AHRR: variants seen among roughly 807,000 people sequenced by gnomAD.
The protein encoded by AHRR is ahR repressor.
Under a neutral mutation model 44.0 loss-of-function variants are expected in AHRR, and 28 were observed. That is an observed-to-expected ratio of 0.64 (90% CI 0.47 to 0.87). The LOEUF (loss-of-function observed/expected upper bound fraction) is 0.87, where lower values mean the gene tolerates loss of function less well. Among genes scored for constraint, AHRR ranks in the 40% least tolerant of loss-of-function variants. The pLI is 0.00. For synonymous variants in AHRR, 434 were observed against 407.0 expected (o/e 1.07, Z -0.80); for missense variants, 990 against 953.9 (o/e 1.04, Z -0.50).
chr5:349,607 T>G (rs1364807186), intron 2 of AHRR, among the ~76,000 whole-genome samples: 1 of 152,016 alleles, frequency 6.6e-6, no homozygotes, highest in Non-Finnish European at 1.5e-5. Context: ...GAAAGAAAAT[T>G]TTAAAAAAAG....
At chr5:344,323 T>C (rs1742489234) in intron 2 of AHRR, among the ~76,000 whole-genome samples, 1 of 149,232 alleles carries the variant, frequency 6.7e-6, no homozygotes, top group African/African-American at 2.5e-5. Flanking sequence ...CGCCACCCGC[T>C]GGGACGGAGG....
At chr5:360,687 GC>G (rs1182181262) in intron 3 of AHRR, among the ~76,000 whole-genome samples, 16 of 152,206 alleles carry the variant, frequency 1.1e-4, no homozygotes, top group Non-Finnish European at 4.4e-5. Flanking sequence ...TGAGGAATGT[GC>G]CCGTGGAACG....
At chr5:332,433 A>G (rs1254953377) in intron 1 of AHRR, among the ~76,000 whole-genome samples, 1 of 151,804 alleles carries the variant, frequency 6.6e-6, no homozygotes, top group East Asian at 1.9e-4. Flanking sequence ...ATGCCCAGCT[A>G]ATTTTTGTAT....
intron 8 of AHRR, among the ~76,000 whole-genome samples, chr5:430,944 T>C (rs1053255439): frequency 6.6e-6 from 1 of 152,116 alleles, no homozygotes; most frequent in Admixed American, 6.5e-5. Context: ...AAATGCTACA[T>C]AGGTGCACAG....
chr5:418,984 G>C (rs1034807573), intron 5 of AHRR: 2 of 152,426 alleles, frequency 1.3e-5, no homozygotes, highest in African/African-American at 4.8e-5. Context: ...CTAGATGCGG[G>C]GAGTGAGGGC....
rs150716078 is a variant in AHRR at position 334,413 on chromosome 5, T to C, written c.-10-9480T>C. On this transcript the variant is annotated intron_variant, in intron 1 of 10. Transcript: ENST00000684583. ...ACAGGCTTTGCTCATTCTTTCTCAT[T>C]CTTTTTGCTTTGTTTTTGTTTGATT... 2.9e-4 allele frequency among the ~76,000 whole-genome samples: 44 copies of C among 152,246 alleles called. 1 individual carries two copies. The highest frequency in any genetic ancestry group is 1.0e-3 in the African/African-American group (43 of 41,532).
rs763017230 is a variant in AHRR at position 423,940 on chromosome 5, G to A, written c.671G>A (p.Arg224His). The change falls in exon 7 of 11, where the codon CGT (arginine) becomes CAT (histidine). Residue 224 changes from arginine to histidine, a missense_variant. Transcript: ENST00000684583. ...SAFLTRCFIC[R>H]VRCLLDSTSG... ...TTCCTGACCCGCTGCTTCATCTGCC[G>A]TGTGCGCTGCCTGCTGGACAGCACC... is the stretch of plus-strand genomic sequence containing the variant. The A allele has an allele frequency of 6.9e-6, 11 of 1,601,718 alleles. No homozygotes were observed. Among genetic ancestry groups the A allele is most frequent in the South Asian group, 1.1e-5 (1 of 91,074 alleles).
In AHRR at chr5:338,346, C is replaced by A. The variant is rs1201597315; in HGVS notation, c.-10-5547C>A. On this transcript the variant is annotated intron_variant, in intron 1 of 10. Transcript: ENST00000684583. The surrounding 1 kb of genome is among the most constrained non-coding windows in gnomAD (Gnocchi z 4.1). The stretch of plus-strand genomic sequence containing the variant: ...AGTGTGGGTCAGCTAGTGATGATTT[C>A]TTTCAGTTTTTGTGCATCTGAAAGC... Among the ~76,000 whole-genome samples, 2 of 152,156 alleles carry A rather than the reference C, an allele frequency of 1.3e-5. No individual in the cohort carries two copies. The highest frequency in any genetic ancestry group is 4.8e-5 in the African/African-American group (2 of 41,444).
At chr5:401,480 G>A (rs1735011385) in intron 4 of AHRR, among the ~76,000 whole-genome samples, 2 of 152,252 alleles carry the variant, frequency 1.3e-5, no homozygotes, top group African/African-American at 4.8e-5. Flanking sequence ...ATTGGCGCCA[G>A]CCCAGGGCCT....
chr5:397,324 T>G (rs531596066), intron 4 of AHRR, among the ~76,000 whole-genome samples: 30 of 122,868 alleles, frequency 2.4e-4, no homozygotes, highest in Non-Finnish European at 3.6e-4. Flanking sequence ...TGTTAGCCCC[T>G]GACCATCCAT....
chr5:428,417 G>A lies in AHRR; in HGVS notation c.908+411G>A, dbSNP rs561133839. On this transcript the variant is annotated intron_variant, in intron 8 of 10. Coordinates refer to ENST00000684583, the MANE Select transcript of AHRR (RefSeq NM_001377236.1). The stretch of plus-strand genomic sequence containing the variant: ...GCTGCAGGACATGCCGGAGAGATGC[G>A]TCCCTGGTGGGCAGATGGAGGGTGA... Among the ~76,000 whole-genome samples, 10 of 152,304 alleles carry A rather than the reference G, an allele frequency of 6.6e-5. No individual in the cohort carries two copies. In the East Asian group the frequency reaches 7.7e-4, roughly 12 times the overall value.
rs775224096 is a variant in AHRR at position 421,291 on chromosome 5, G to A, written c.442-1438G>A. 7 of 697,596 alleles carry A rather than the reference G, an allele frequency of 1.0e-5. No homozygotes were observed. The African/African-American group carries it at 1.1e-4, about 11-fold the overall frequency. 43.2% of individuals were successfully genotyped at this position (697,596 alleles called of 1,614,324 possible). On this transcript the variant is annotated intron_variant, in intron 5 of 10. Transcript: ENST00000684583. ...GTGCAGGCACGGAACGGGCGAGGCT[G>A]TTGCGCTGCAGGTGCCCCCACGGTC... is the stretch of plus-strand genomic sequence containing the variant.
rs1735196616 is a variant in AHRR at position 405,018 on chromosome 5, A to G, written c.352-8326A>G. 6.6e-6 allele frequency among the ~76,000 whole-genome samples: 1 copy of G among 152,134 alleles called. No individual in the cohort carries two copies. Among genetic ancestry groups the G allele is most frequent in the Admixed American group, 6.5e-5 (1 of 15,268 alleles). On this transcript the variant is annotated intron_variant, in intron 4 of 10. Transcript: ENST00000684583. The surrounding 1 kb of genome is among the most constrained non-coding windows in gnomAD (Gnocchi z 4.5). Reference sequence around the variant, plus strand: ...TGATTTCCTTTCTGTGGATCATCCCATGGGCACATTGGATCCTTTATTCAG... The same window carrying G: ...TGATTTCCTTTCTGTGGATCATCCCGTGGGCACATTGGATCCTTTATTCAG...
At chr5:340,698 T>TATTTATTTA (rs1161468329) in intron 1 of AHRR, among the ~76,000 whole-genome samples, 1 of 46,196 alleles carries the variant, frequency 2.2e-5, no homozygotes, top group African/African-American at 8.3e-5. Flanking sequence ...ATTTTTTTTT[T>TATTTATTTA]TTTTTTTTTT....
chr5:402,271 T>G (rs1440963656), intron 4 of AHRR, among the ~76,000 whole-genome samples: 1 of 152,056 alleles, frequency 6.6e-6, no homozygotes. Flanking sequence ...AGGACAGCTG[T>G]TTCAAAAAGA....
chr5:322,999 C>T (rs1014729445), intron 1 of AHRR, among the ~76,000 whole-genome samples: 1 of 152,252 alleles, frequency 6.6e-6, no homozygotes, highest in East Asian at 1.9e-4. Flanking sequence ...GCTGTCAGCT[C>T]ACAGCCTGGT....
chr5:341,478 A>T (rs2721032), intron 1 of AHRR, among the ~76,000 whole-genome samples: 1 of 145,830 alleles, frequency 6.9e-6, no homozygotes. Flanking sequence ...TGGTTTAATC[A>T]CTTTCCTTCC....
Position 370,244 on chromosome 5 carries a change from T to C in AHRR, c.245-6366T>C, listed in dbSNP as rs1296014524. Among the ~76,000 whole-genome samples the C allele has an allele frequency of 6.6e-6, 1 of 151,078 alleles. No homozygotes were observed. The highest frequency in any genetic ancestry group is 1.5e-5 in the Non-Finnish European group (1 of 67,772). Reference sequence around the variant, plus strand: ...CTGGAAGCCCCGTCCTCCCGGGCCCTCGCTGGTGCCCCGACCTCCTGGGCC... The same window carrying C: ...CTGGAAGCCCCGTCCTCCCGGGCCCCCGCTGGTGCCCCGACCTCCTGGGCC... On this transcript the variant is annotated intron_variant, in intron 3 of 10. Coordinates refer to ENST00000684583, the MANE Select transcript of AHRR (RefSeq NM_001377236.1). The surrounding 1 kb of genome is among the most constrained non-coding windows in gnomAD (Gnocchi z 4.5).
At chr5:365,277 A>G (rs187839346) in intron 3 of AHRR, among the ~76,000 whole-genome samples, 2 of 152,324 alleles carry the variant, frequency 1.3e-5, no homozygotes, top group Admixed American at 1.3e-4. Flanking sequence ...AGTAAATTTC[A>G]AAAGATAAAA....
Sources: allele counts gnomAD v4.1 joint callset (sites outside exome capture counted in the v4.1 genomes callset), GRCh38; gene constraint gnomAD v4.1.1; non-coding constraint Gnocchi (gnomAD v3.1); transcripts MANE v1.5; gene names NCBI Gene and HGNC (gene_info 2026-07-23, HGNC 2026-07-21).